ANKRD27: variants seen among roughly 807,000 people sequenced by gnomAD.
ANKRD27 encodes ankyrin repeat domain 27.
In ANKRD27, 112 loss-of-function variants were observed where a neutral mutation model predicts 129.7. The observed-to-expected ratio is 0.86, with a 90% confidence interval of 0.74 to 1.01. The LOEUF is 1.01. Ranked by LOEUF, ANKRD27 falls within the 50% of genes least tolerant of loss-of-function variation. The probability of loss-of-function intolerance (pLI) is 0.00; values close to 1 mark genes in which losing one functional copy is unlikely to be tolerated. For missense variants in ANKRD27, 1,258 were observed against 1,300.5 expected, an observed-to-expected ratio of 0.97 and a Z score of 0.50; for synonymous variants, 516 against 511.2, an observed-to-expected ratio of 1.01 and a Z score of -0.13.
chr19:32,606,156 T>C (rs796314090), intron 23 of ANKRD27, among the ~76,000 whole-genome samples: 26,842 of 146,328 alleles, frequency 0.18, 3,039 homozygotes, highest in African/African-American at 0.31. Context: ...TCTTTCTTTT[T>C]TTTTTTTTTT....
At position 32,649,933 on chromosome 19, in the gene ANKRD27, C is replaced by A. The variant is rs563163653; in HGVS notation, c.103-141G>T. 1.1e-5 allele frequency: 7 copies of A among 661,960 alleles called. No homozygotes were observed. In the Admixed American group the frequency reaches 1.4e-4, roughly 14 times the overall value. 41.0% of individuals were successfully genotyped at this position (661,960 alleles called of 1,614,324 possible). On this transcript the variant is annotated intron_variant, in intron 2 of 28. Transcript: ENST00000306065. ...GAACGCCCGAGGTCCCTTGCCAACA[C>A]GGCCACAGTGGCTGCCAGCTGAGGT...
intron 2 of ANKRD27, among the ~76,000 whole-genome samples, chr19:32,654,102 A>G (rs1274963480): frequency 6.6e-6 from 1 of 152,092 alleles, no homozygotes; most frequent in Non-Finnish European, 1.5e-5. Flanking sequence ...GGGTTTCACT[A>G]TGTTGGCCAG....
At chr19:32,645,916 G>A (rs746252721) in intron 4 of ANKRD27, among the ~76,000 whole-genome samples, 3 of 152,020 alleles carry the variant, frequency 2.0e-5, no homozygotes, top group African/African-American at 7.2e-5. Context: ...GATTACAAGC[G>A]TGAGCCACCA....
intron 26 of ANKRD27, among the ~76,000 whole-genome samples, chr19:32,600,738 A>ACCTTAACTG (rs1401934648): frequency 6.6e-6 from 1 of 151,804 alleles, no homozygotes; most frequent in Admixed American, 6.6e-5. Context: ...GAAAAATAAA[A>ACCTTAACTG]CCTTAACTCC....
At chr19:32,646,764 A>C in intron 3 of ANKRD27, 149 bp from the exon 4 acceptor site, 1 of 751,010 alleles carries the variant, frequency 1.3e-6, no homozygotes, top group South Asian at 2.1e-5. Flanking sequence ...TGTTTTGCTC[A>C]TTTTGATACT....
At chr19:32,610,544 C>T (rs988139242) in intron 22 of ANKRD27, among the ~76,000 whole-genome samples, 1 of 149,834 alleles carries the variant, frequency 6.7e-6, no homozygotes, top group Non-Finnish European at 1.5e-5. Flanking sequence ...ATAATCCCAG[C>T]ACTTTGGGAG....
chr19:32,600,196 A>AGTACCTATT lies in ANKRD27; in HGVS notation c.2768-155_2768-147dup. 1.6e-5 allele frequency: 10 copies of AGTACCTATT among 614,210 alleles called. No individual in the cohort carries two copies. The South Asian group carries it at 2.0e-4, about 12-fold the overall frequency. 38.0% of individuals were successfully genotyped at this position (614,210 alleles called of 1,614,324 possible). A position where few individuals can be genotyped will look rare whatever the true frequency, so the allele number is the denominator to read the frequency against. On this transcript the variant is annotated intron_variant, in intron 26 of 28. Transcript: ENST00000306065. ...TGAATTTGCTTAAAGAAACACAGCT[A>AGTACCTATT]GTACCTATTTATAACAGGTTGAGTA...
At chr19:32,606,286 G>A (rs534649020) in intron 23 of ANKRD27, among the ~76,000 whole-genome samples, 2 of 151,986 alleles carry the variant, frequency 1.3e-5, no homozygotes, top group Non-Finnish European at 2.9e-5. Flanking sequence ...CTGAGCAGCT[G>A]GGACTACAGG....
Position 32,619,499 on chromosome 19 carries a change from A to G in ANKRD27, c.1882T>C (p.Ser628Pro), listed in dbSNP as rs781145364. The change falls in exon 19 of 29, where the codon TCC (serine) becomes CCC (proline). Residue 628 changes from serine to proline, a missense_variant. Ser to Pro is a moderately conservative substitution (Grantham distance 74). Coordinates refer to ENST00000306065, the MANE Select transcript of ANKRD27 (RefSeq NM_032139.3). ...HLSFERRQKS[S>P]EAPVQSPQRS... ...GCTCAGCCCGGCTGACTTACCTCGG[A>G]CGACTTCTGCCTCCTCTCGAAGGAC... is the stretch of plus-strand genomic sequence containing the variant. The G allele has an allele frequency of 6.2e-7, 1 of 1,614,062 alleles. No individual in the cohort carries two copies. The highest frequency in any genetic ancestry group is 2.2e-5 in the East Asian group (1 of 44,864).
intron 1 of ANKRD27, among the ~76,000 whole-genome samples, chr19:32,665,439 G>C (rs547032775): frequency 6.8e-6 from 1 of 145,990 alleles, no homozygotes; most frequent in African/African-American, 2.6e-5. Context: ...ACAGGCACCC[G>C]CCACCACACC....
chr19:32,665,813 G>A (rs1374643964), intron 1 of ANKRD27, among the ~76,000 whole-genome samples: 2 of 151,952 alleles, frequency 1.3e-5, no homozygotes, highest in Non-Finnish European at 2.9e-5. Flanking sequence ...CCAGGCTGGA[G>A]TACAGTGGCG....
In ANKRD27 at chr19:32,620,848, T is replaced by C. The variant is rs1971998506; in HGVS notation, c.1828-1295A>G. On this transcript the variant is annotated intron_variant, in intron 18 of 28. Transcript: ENST00000306065. ...TTGCAGTAAGCTGAGATCGCACCACTGTACTCCAGTTTGGGCAATACAGCC... is the reference window on the plus strand; with the variant it reads ...TTGCAGTAAGCTGAGATCGCACCACCGTACTCCAGTTTGGGCAATACAGCC... Among the ~76,000 whole-genome samples, 4 of 133,300 alleles carry C rather than the reference T, an allele frequency of 3.0e-5. No homozygotes were observed. In the South Asian group the frequency reaches 9.2e-4, roughly 31 times the overall value. 87.4% of individuals were successfully genotyped at this position (133,300 alleles called of 152,430 possible).
chr19:32,658,858 C>A (rs1734341558), intron 2 of ANKRD27, 56 bp downstream of exon 2: 1 of 1,384,862 alleles, frequency 7.2e-7, no homozygotes, highest in Non-Finnish European at 1.0e-6. Context: ...CCTTAGTCTA[C>A]CACGTCTCTG....
intron 16 of ANKRD27, 27 bp from the exon 17 acceptor site, chr19:32,625,993 C>T (rs1200400408): frequency 3.2e-6 from 5 of 1,569,630 alleles, no homozygotes; most frequent in Non-Finnish European, 4.3e-6. Context: ...AAGCGATGAG[C>T]AGGGCACAGC....
chr19:32,598,837 T>TA (rs1971608636), intron 28 of ANKRD27, among the ~76,000 whole-genome samples: 1 of 152,218 alleles, frequency 6.6e-6, no homozygotes. Flanking sequence ...TTTAATTATC[T>TA]AAAACAATTT....
At chr19:32,673,521 G>C (rs1967912981) in intron 1 of ANKRD27, 1 of 906,182 alleles carries the variant, frequency 1.1e-6, no homozygotes, top group South Asian at 5.1e-5. Context: ...GGCACATCTG[G>C]CCTCTGGCCA....
At chr19:32,603,347 G>C (rs1971680416) in intron 25 of ANKRD27, among the ~76,000 whole-genome samples, 1 of 152,120 alleles carries the variant, frequency 6.6e-6, no homozygotes, top group Admixed American at 6.6e-5. Context: ...TAGCTTCTCA[G>C]TTGTGTCACT....
Position 32,628,058 on chromosome 19 carries a change from TA to T in ANKRD27, c.1420+24del, listed in dbSNP as rs767284168. ...ACCATCCCTTTGCTGTGACAGCCCC[TA>T]GGGGCCAGCCCAGGACCACATACCA... On this transcript the variant is annotated intron_variant, in intron 15 of 28. Transcript: ENST00000306065. The T allele has an allele frequency of 3.7e-6, 6 of 1,611,214 alleles. No homozygotes were observed. In the South Asian group the frequency reaches 4.4e-5, roughly 12 times the overall value.
chr19:32,642,228 C>T, intron 9 of ANKRD27, 83 bp from the exon 10 acceptor site: 2 of 1,322,844 alleles, frequency 1.5e-6, no homozygotes, highest in South Asian at 1.8e-5. Flanking sequence ...ATCTCAGGAT[C>T]TACACTTCTC....
Sources: allele counts gnomAD v4.1 joint callset (sites outside exome capture counted in the v4.1 genomes callset), GRCh38; gene constraint gnomAD v4.1.1; transcripts MANE v1.5; gene names NCBI Gene and HGNC (gene_info 2026-07-23, HGNC 2026-07-21).